The following ALOX5 variants were observed in gnomAD, a reference collection of about 807,000 sequenced individuals.
ALOX5 encodes the protein polyunsaturated fatty acid 5-lipoxygenase.
A neutral mutation model predicts 87.9 loss-of-function variants in ALOX5; 64 were observed. The observed-to-expected ratio is 0.73, with a 90% confidence interval of 0.60 to 0.90. The LOEUF is 0.90. ALOX5 is among the 40% of genes least tolerant of loss of function. The probability of loss-of-function intolerance (pLI) is 0.00; values close to 1 mark genes in which losing one functional copy is unlikely to be tolerated. For missense variants in ALOX5, 822 were observed against 907.5 expected (o/e 0.91, Z 1.21); for synonymous variants, 388 against 355.1 (o/e 1.09, Z -1.04).
At chr10:45,420,914 G>C (rs984379448) in intron 4 of ALOX5, among the ~76,000 whole-genome samples, 44 of 152,246 alleles carry the variant, frequency 2.9e-4, no homozygotes, top group Non-Finnish European at 5.6e-4. Context: ...CCCGTCCTGG[G>C]AGAAGTAGGG....
At chr10:45,417,603 G>C (rs1841342433) in intron 4 of ALOX5, among the ~76,000 whole-genome samples, 1 of 152,148 alleles carries the variant, frequency 6.6e-6, no homozygotes, top group Non-Finnish European at 1.5e-5. Context: ...TTATTCTCAA[G>C]TGCTTGTATA....
chr10:45,415,236 T>C (rs1841233940), intron 4 of ALOX5, among the ~76,000 whole-genome samples: 1 of 152,212 alleles, frequency 6.6e-6, no homozygotes, highest in African/African-American at 2.4e-5. Context: ...ACATATGCAC[T>C]ATGGAATACT....
chr10:45,422,125 A>C (rs1243683877), intron 4 of ALOX5, among the ~76,000 whole-genome samples: 1 of 152,042 alleles, frequency 6.6e-6, no homozygotes, highest in Non-Finnish European at 1.5e-5. Context: ...CAGGGCAGGC[A>C]GGAGAGACCC....
At chr10:45,418,171 G>A (rs909594166) in intron 4 of ALOX5, among the ~76,000 whole-genome samples, 1 of 152,172 alleles carries the variant, frequency 6.6e-6, no homozygotes, top group African/African-American at 2.4e-5. Context: ...GTTCTGCGGG[G>A]GAGAGAAGAG....
intron 13 of ALOX5, among the ~76,000 whole-genome samples, chr10:45,445,105 C>T (rs535198986): frequency 6.6e-6 from 1 of 152,392 alleles, no homozygotes; most frequent in Admixed American, 6.5e-5. Flanking sequence ...CCGCTTTCTG[C>T]CTTCCTGGGC....
At chr10:45,393,489 C>T (rs1421926265) in intron 2 of ALOX5, among the ~76,000 whole-genome samples, 2 of 152,086 alleles carry the variant, frequency 1.3e-5, no homozygotes, top group Admixed American at 6.6e-5. Flanking sequence ...AAACCCACAA[C>T]CAATATCATA....
At chr10:45,378,179 C>T (rs922731057) in intron 1 of ALOX5, among the ~76,000 whole-genome samples, 4 of 147,138 alleles carry the variant, frequency 2.7e-5, no homozygotes, top group Non-Finnish European at 1.5e-5. Flanking sequence ...CTGAAATACC[C>T]TCTTATGAAG....
At chr10:45,432,377 A>G (rs923944813) in intron 7 of ALOX5, among the ~76,000 whole-genome samples, 2 of 150,436 alleles carry the variant, frequency 1.3e-5, no homozygotes, top group African/African-American at 4.9e-5. Flanking sequence ...AAAAAAAAAA[A>G]GTAAAAGAAA....
At chr10:45,393,280 G>T (rs184689630) in intron 2 of ALOX5, among the ~76,000 whole-genome samples, 81 of 152,272 alleles carry the variant, frequency 5.3e-4, no homozygotes, top group African/African-American at 1.7e-3. Flanking sequence ...TCATCCCTGG[G>T]ATGCAAAGCT....
At position 45,374,240 on chromosome 10, in the gene ALOX5, G is replaced by A. The variant is rs1287739619; in HGVS notation, c.-40G>A. ...TAGATGCGGACACCTGGACCGCCGC[G>A]CCGAGGCTCCCGGCGCTCGCTGCTC... On this transcript the variant is annotated 5_prime_UTR_variant, in exon 1 of 14. Coordinates refer to ENST00000374391, the MANE Select transcript of ALOX5 (RefSeq NM_000698.5). The A allele has an allele frequency of 2.1e-6, 3 of 1,446,614 alleles. No homozygotes were observed. The highest frequency in any genetic ancestry group is 2.7e-5 in the South Asian group (2 of 73,270). 89.6% of individuals were successfully genotyped at this position (1,446,614 alleles called of 1,614,324 possible). A position where few individuals can be genotyped will look rare whatever the true frequency, so the allele number is the denominator to read the frequency against.
intron 7 of ALOX5, among the ~76,000 whole-genome samples, chr10:45,432,132 GA>G (rs1315653208): frequency 1.3e-5 from 2 of 148,358 alleles, no homozygotes. Context: ...AAAATTTTTT[GA>G]AAAAAATTAA....
rs1842204849 is a variant in ALOX5, at chr10:45,440,640, C to T, written c.1185+7C>T. 1.2e-6 allele frequency: 2 copies of T among 1,613,224 alleles called. No individual in the cohort carries two copies. Among genetic ancestry groups the T allele is most frequent in the African/African-American group, 1.3e-5 (1 of 74,894 alleles). On this transcript the variant is annotated splice_region_variant and intron_variant, in intron 8 of 13. Transcript: ENST00000374391. The stretch of plus-strand genomic sequence containing the variant: ...TGTGCACCCCATTTTCAAGGTACAG[C>T]CAGCTACCGCCCCACCTGCTATGGG...
chr10:45,440,273 A>G (rs1176178577), intron 7 of ALOX5, among the ~76,000 whole-genome samples, 157 bp from the exon 8 acceptor site: 3 of 152,092 alleles, frequency 2.0e-5, no homozygotes, highest in Admixed American at 6.5e-5. Flanking sequence ...AGGAAATACC[A>G]CCGCAGGGCC....
chr10:45,384,854 T>TTATTATTATTATTAG (rs1839958980), intron 2 of ALOX5, among the ~76,000 whole-genome samples: 1 of 151,742 alleles, frequency 6.6e-6, no homozygotes, highest in Non-Finnish European at 1.5e-5. Context: ...ATTATTATTA[T>TTATTATTATTATTAG]TATTTTGGGA....
chr10:45,443,745 A>C lies in ALOX5; in HGVS notation c.1591A>C (p.Lys531Gln), dbSNP rs897029021. ...RKSSGFPKSV[K>Q]SREQLSEYLT... ...CACCCTAGGCTTCCCCAAGTCGGTC[A>C]AGAGCCGGGAGCAGCTGTCGGAGTA... The change falls in exon 12 of 14, where the codon AAG becomes CAG. Residue 531 changes from lysine to glutamine, a missense_variant. Lys to Gln is a moderately conservative substitution (Grantham distance 53, BLOSUM62 1). Coordinates refer to ENST00000374391, the MANE Select transcript of ALOX5 (RefSeq NM_000698.5). The C allele has an allele frequency of 1.9e-6, 3 of 1,612,204 alleles. No homozygotes were observed. The highest frequency in any genetic ancestry group is 1.7e-5 in the Admixed American group (1 of 59,940).
chr10:45,411,204 G>C (rs182052255), intron 3 of ALOX5, among the ~76,000 whole-genome samples: 101 of 152,290 alleles, frequency 6.6e-4, no homozygotes, highest in African/African-American at 2.3e-3. Flanking sequence ...GATGAACAGA[G>C]GTCACTTTCA....
Position 45,374,379 on chromosome 10 carries a change from G to A in ALOX5, c.100G>A (p.Glu34Lys). Residue 34 changes from glutamate to lysine, a missense_variant, in exon 1 of 14, where the codon GAG becomes AAG. Transcript: ENST00000374391. ...LSLVGSAGCS[E>K]KHLLDKPFYN... ...CCTCGTGGGCTCGGCGGGCTGCAGC[G>A]AGAAGCACCTGCTGGACAAGCCCTT... is the stretch of plus-strand genomic sequence containing the variant. The A allele has an allele frequency of 6.4e-7, 1 of 1,558,620 alleles. No individual in the cohort carries two copies. Among genetic ancestry groups the A allele is most frequent in the Non-Finnish European group, 8.6e-7 (1 of 1,156,406 alleles).
chr10:45,421,459 G>T (rs866352098), intron 4 of ALOX5, among the ~76,000 whole-genome samples: 7 of 152,326 alleles, frequency 4.6e-5, no homozygotes, highest in African/African-American at 1.7e-4. Flanking sequence ...GGGCTCTCGG[G>T]GCCTGCGTAG....
intron 3 of ALOX5, among the ~76,000 whole-genome samples, chr10:45,397,852 G>T (rs1840566795): frequency 6.6e-6 from 1 of 152,154 alleles, no homozygotes; most frequent in Admixed American, 6.5e-5. Context: ...GATCTAAATA[G>T]GTTGAAAGAC....
Sources: allele counts gnomAD v4.1 joint callset (sites outside exome capture counted in the v4.1 genomes callset), GRCh38; gene constraint gnomAD v4.1.1; transcripts MANE v1.5; gene names NCBI Gene and HGNC (gene_info 2026-07-23, HGNC 2026-07-21).